The following HOMER1 variants were observed in gnomAD, a reference collection of about 807,000 sequenced individuals.
The protein encoded by HOMER1 is homer scaffold protein 1.
Under a neutral mutation model 48.9 loss-of-function variants are expected in HOMER1, and 3 were observed. That is an observed-to-expected ratio of 0.06 (90% CI 0.03 to 0.16). HOMER1 has a LOEUF of 0.16. Ranked by LOEUF, HOMER1 falls within the 10% of genes least tolerant of loss-of-function variation. The probability of loss-of-function intolerance (pLI) is 1.00; values close to 1 mark genes in which losing one functional copy is unlikely to be tolerated. For missense variants in HOMER1, 247 were observed against 411.4 expected, an observed-to-expected ratio of 0.60 and a Z score of 3.46; for synonymous variants, 134 against 146.4, an observed-to-expected ratio of 0.92 and a Z score of 0.61.
chr5:79,501,295 T>G (rs566609411), intron 1 of HOMER1, among the ~76,000 whole-genome samples: 1 of 152,302 alleles, frequency 6.6e-6, no homozygotes, highest in South Asian at 2.1e-4. Context: ...CACTTTCTTT[T>G]CTTTAGCTTA....
intron 1 of HOMER1, among the ~76,000 whole-genome samples, chr5:79,492,656 T>C (rs980453692): frequency 3.3e-5 from 5 of 152,104 alleles, no homozygotes; most frequent in African/African-American, 7.2e-5. Flanking sequence ...AGACTTTCCA[T>C]AGGACTTGGT....
chr5:79,392,954 GGAGAGAGAGA>G (rs3082001), intron 8 of HOMER1, among the ~76,000 whole-genome samples: 102 of 140,958 alleles, frequency 7.2e-4, no homozygotes, highest in Non-Finnish European at 1.2e-3. Flanking sequence ...GAAGGGAAAG[GGAGAGAGAGA>G]GAGAGAGAGA....
chr5:79,379,257 ATATATAT>A lies in HOMER1; in HGVS notation c.877-3067_877-3061del, dbSNP rs1194292681. 1.7e-3 allele frequency among the ~76,000 whole-genome samples: 170 copies of A among 98,408 alleles called. 1 individual carries two copies. Among genetic ancestry groups the A allele is most frequent in the Non-Finnish European group, 2.5e-3 (134 of 54,008 alleles). 64.6% of individuals were successfully genotyped at this position (98,408 alleles called of 152,430 possible). ...ATATTATATATTATATATATCTATT[ATATATAT>A]TATATATTATATATATCTATTATAT... On this transcript the variant is annotated intron_variant, in intron 8 of 8. Coordinates refer to ENST00000334082, the MANE Select transcript of HOMER1 (RefSeq NM_004272.5).
chr5:79,503,798 G>A (rs1033170142), intron 1 of HOMER1, among the ~76,000 whole-genome samples: 4 of 151,806 alleles, frequency 2.6e-5, no homozygotes, highest in Non-Finnish European at 5.9e-5. Flanking sequence ...AGTGGAAGTC[G>A]ATCATCATAA....
At chr5:79,467,148 T>G (rs1229537005) in intron 1 of HOMER1, among the ~76,000 whole-genome samples, 3 of 152,056 alleles carry the variant, frequency 2.0e-5, no homozygotes, top group Admixed American at 6.5e-5. Flanking sequence ...CCTGTAATCC[T>G]AGCACTTTGG....
At chr5:79,396,487 ATCC>A (rs1749387756) in intron 8 of HOMER1, among the ~76,000 whole-genome samples, 2 of 151,838 alleles carry the variant, frequency 1.3e-5, no homozygotes, top group Admixed American at 6.6e-5. Context: ...GGCTCAAGTG[ATCC>A]TCCTCCTCAG....
intron 8 of HOMER1, among the ~76,000 whole-genome samples, chr5:79,387,520 G>A (rs1749148882): frequency 6.6e-6 from 1 of 152,122 alleles, no homozygotes; most frequent in African/African-American, 2.4e-5. Context: ...TGAATAAGAT[G>A]TATTATTGCC....
chr5:79,424,779 T>C (rs541362859), intron 5 of HOMER1, among the ~76,000 whole-genome samples: 2 of 152,210 alleles, frequency 1.3e-5, no homozygotes, highest in South Asian at 4.1e-4. Context: ...TCAGGTTGCT[T>C]ATTTTTGACT....
intron 1 of HOMER1, among the ~76,000 whole-genome samples, chr5:79,497,165 A>C (rs549141979): frequency 6.6e-6 from 1 of 152,164 alleles, no homozygotes; most frequent in Non-Finnish European, 1.5e-5. Context: ...CATAGAAGTA[A>C]GTAAGATGTC....
chr5:79,403,315 G>A (rs1213416661), intron 5 of HOMER1, among the ~76,000 whole-genome samples: 1 of 151,954 alleles, frequency 6.6e-6, no homozygotes, highest in Non-Finnish European at 1.5e-5. Context: ...TAAATTTGAT[G>A]GGTTGATATT....
chr5:79,402,092 C>T, intron 5 of HOMER1, 37 bp from the exon 6 acceptor site: 2 of 1,556,464 alleles, frequency 1.3e-6, no homozygotes, highest in Non-Finnish European at 1.8e-6. Context: ...ATCCATTACA[C>T]CAACTACTGT....
chr5:79,496,717 A>G (rs1027475879), intron 1 of HOMER1, among the ~76,000 whole-genome samples: 2 of 152,182 alleles, frequency 1.3e-5, no homozygotes, highest in African/African-American at 4.8e-5. Flanking sequence ...CCAAAATGAA[A>G]TAAGAAACTA....
chr5:79,433,699 A>G (rs1323712340), intron 5 of HOMER1, among the ~76,000 whole-genome samples: 1 of 152,228 alleles, frequency 6.6e-6, no homozygotes, highest in Non-Finnish European at 1.5e-5. Flanking sequence ...TTAAAATGCT[A>G]TGTAAAATTT....
At chr5:79,450,955 G>T in intron 3 of HOMER1, 35 bp downstream of exon 3, 1 of 1,595,210 alleles carries the variant, frequency 6.3e-7, no homozygotes, top group Non-Finnish European at 8.6e-7. Context: ...ACTTGAAGAT[G>T]AAGATTTTCA....
rs551922876 is a variant in HOMER1 at position 79,421,098 on chromosome 5, T to C, written c.527+17912A>G. Among the ~76,000 whole-genome samples, 8 of 152,342 alleles carry C rather than the reference T, an allele frequency of 5.3e-5. No homozygotes were observed. In the East Asian group the frequency reaches 7.7e-4, roughly 15 times the overall value. On this transcript the variant is annotated intron_variant, in intron 5 of 8. Coordinates refer to ENST00000334082, the MANE Select transcript of HOMER1 (RefSeq NM_004272.5). Reference sequence around the variant, plus strand: ...ATATGTTTCAGTCACTGGTTTACAATAGAACTACTTTTGAGCTCTTTATTT... The same window carrying C: ...ATATGTTTCAGTCACTGGTTTACAACAGAACTACTTTTGAGCTCTTTATTT...
At chr5:79,390,183 G>C (rs1749213355) in intron 8 of HOMER1, among the ~76,000 whole-genome samples, 1 of 152,140 alleles carries the variant, frequency 6.6e-6, no homozygotes, top group Non-Finnish European at 1.5e-5. Flanking sequence ...CTCCTCGGGA[G>C]GCTGAGTAGG....
intron 8 of HOMER1, among the ~76,000 whole-genome samples, chr5:79,379,886 T>TA (rs547603804): frequency 1.2e-4 from 19 of 152,252 alleles, no homozygotes; most frequent in Non-Finnish European, 7.4e-5. Context: ...TAAAGCACAG[T>TA]AGACCAGAAT....
At chr5:79,484,045 C>CAAA (rs34704866) in intron 1 of HOMER1, among the ~76,000 whole-genome samples, 2,956 of 72,132 alleles carry the variant, frequency 0.041, 76 homozygotes, top group Middle Eastern at 0.054. Context: ...GACTCCATCT[C>CAAA]AAAAAAAAAA....
intron 8 of HOMER1, among the ~76,000 whole-genome samples, chr5:79,386,737 G>A (rs1008671067): frequency 2.0e-5 from 3 of 152,000 alleles, no homozygotes; most frequent in East Asian, 1.9e-4. Flanking sequence ...CCATAAATAC[G>A]TAAAATATTA....
Sources: gnomAD v4.1 joint callset for allele counts (sites outside exome capture counted in the v4.1 genomes callset) on GRCh38, gnomAD v4.1.1 for gene constraint, MANE v1.5 for transcripts, NCBI Gene and HGNC (gene_info 2026-07-23, HGNC 2026-07-21) for gene names.